Variants in EEF1G observed in about 807,000 individuals in gnomAD.
The protein encoded by EEF1G is eukaryotic translation elongation factor 1 gamma, also known as elongation factor 1-gamma.
In EEF1G, 14 loss-of-function variants were observed where a neutral mutation model predicts 58.3. The observed-to-expected ratio is 0.24, with a 90% CI of 0.16 to 0.38. The LOEUF (loss-of-function observed/expected upper bound fraction) is 0.38, where lower values mean the gene tolerates loss of function less well. Ranked by LOEUF, EEF1G falls within the 10% of genes least tolerant of loss-of-function variation. The probability of loss-of-function intolerance (pLI) is 1.00; values close to 1 mark genes in which losing one functional copy is unlikely to be tolerated. For missense variants in EEF1G, 322 were observed against 550.1 expected (o/e 0.59, Z 4.15); for synonymous variants, 180 against 206.8 (o/e 0.87, Z 1.11).
rs762508857 is a variant in EEF1G, at chr11:62,560,406, T to C, written c.906A>G (p.Thr302=). The C allele has an allele frequency of 6.2e-7, 1 of 1,609,194 alleles. No individual in the cohort carries two copies. The highest frequency in any genetic ancestry group is 1.1e-5 in the South Asian group (1 of 90,188). The change falls in exon 8 of 10, where the codon ACA becomes ACG. Residue 302 remains threonine (T), a synonymous_variant. Coordinates refer to ENST00000329251, the MANE Select transcript of EEF1G (RefSeq NM_001404.5). The stretch of plus-strand genomic sequence containing the variant: ...AGAAATATGGCAGTGCCACAGAGAG[T>C]GTGTCCTCATTGGAGTACTTGCGCT... ...EFKRKYSNED[T]LSVALPYFWE...
intron 6 of EEF1G, 160 bp from the exon 7 acceptor site, chr11:62,567,170 G>T: frequency 1.1e-6 from 1 of 920,008 alleles, no homozygotes; most frequent in Non-Finnish European, 1.6e-6. Flanking sequence ...GTGTCCTCCA[G>T]CAACAACACA....
intron 7 of EEF1G, among the ~76,000 whole-genome samples, chr11:62,561,395 A>G (rs1941492302): frequency 6.7e-6 from 1 of 149,032 alleles, no homozygotes; most frequent in Admixed American, 6.7e-5. Context: ...AAAAAAAAGG[A>G]CAGGCAGGGT....
intron 7 of EEF1G, among the ~76,000 whole-genome samples, chr11:62,565,227 A>G (rs1187086123): frequency 6.6e-6 from 1 of 152,144 alleles, no homozygotes; most frequent in Non-Finnish European, 1.5e-5. Context: ...GTCTCTACAA[A>G]TAATAAAAAA....
chr11:62,573,838 G>T lies in EEF1G; in HGVS notation c.5C>A (p.Ala2Glu). The change falls in exon 1 of 10, where the codon GCG becomes GAG. Residue 2 changes from alanine (A) to glutamate (E), a missense_variant. By Grantham distance (107) the Ala-to-Glu change is moderately radical. This residue lies in a region of EEF1G where 62 missense variants were observed against 87.0 expected (regional missense o/e 0.71). Coordinates refer to ENST00000329251, the MANE Select transcript of EEF1G (RefSeq NM_001404.5). Reference protein sequence around the residue: MAAGTLYTYPEN... With the variant: MEAGTLYTYPEN... ...CAGAGCCAGCAAACTTACCCCAGCCGCCATGGTGATTCCGCAAAGAAAGGG... is the reference window on the plus strand; with the variant it reads ...CAGAGCCAGCAAACTTACCCCAGCCTCCATGGTGATTCCGCAAAGAAAGGG... 6.2e-7 allele frequency: 1 copy of T among 1,613,726 alleles called. No homozygotes were observed. The highest frequency in any genetic ancestry group is 8.5e-7 in the Non-Finnish European group (1 of 1,179,840).
intron 5 of EEF1G, among the ~76,000 whole-genome samples, chr11:62,568,623 T>C (rs1224624467): frequency 6.6e-6 from 1 of 152,074 alleles, no homozygotes; most frequent in African/African-American, 2.4e-5. Flanking sequence ...GTAGGAGTAA[T>C]AATTGTCTTG....
intron 3 of EEF1G, 32 bp from the exon 4 acceptor site, chr11:62,571,714 TG>T (rs1418226264): frequency 5.7e-6 from 9 of 1,577,606 alleles, no homozygotes; most frequent in Non-Finnish European, 6.9e-6. Flanking sequence ...GTCAGAACTC[TG>T]GGGGAATGCC....
In EEF1G at chr11:62,563,272, G is replaced by A. The variant is rs181043668; in HGVS notation, c.858-2818C>T. ...CTCCTGAGTAGCTGGGACTACAGGC[G>A]CCTGCTACCGCCCCCGGCTAATTTT... On this transcript the variant is annotated intron_variant, in intron 7 of 9. Coordinates refer to ENST00000329251, the MANE Select transcript of EEF1G (RefSeq NM_001404.5). Among the ~76,000 whole-genome samples the A allele has an allele frequency of 2.2e-4, 33 of 151,958 alleles. No homozygotes were observed. The East Asian group carries it at 6.1e-3, about 28-fold the overall frequency.
intron 5 of EEF1G, among the ~76,000 whole-genome samples, chr11:62,568,453 C>T (rs1185202795): frequency 6.7e-6 from 1 of 149,926 alleles, no homozygotes; most frequent in East Asian, 2.0e-4. Flanking sequence ...CCAGGCTTAT[C>T]TTGAACTCGC....
At chr11:62,571,301 C>G (rs374787088) in intron 4 of EEF1G, among the ~76,000 whole-genome samples, 193 bp from the exon 5 acceptor site, 1 of 152,144 alleles carries the variant, frequency 6.6e-6, no homozygotes, top group Admixed American at 6.5e-5. Context: ...TCTGGTCCAG[C>G]CACCCCCTTA....
In EEF1G at chr11:62,566,899, G is replaced by C; in HGVS notation, c.764C>G (p.Ala255Gly). The change falls in exon 7 of 10, where the codon GCT becomes GGT. Residue 255 changes from alanine (A) to glycine (G), a missense_variant. This residue lies in a region of EEF1G where 208 missense variants were observed against 323.7 expected (regional missense o/e 0.64). Transcript: ENST00000329251. The stretch of plus-strand genomic sequence containing the variant: ...CATCTCCTCCTCAGGAGCAGGGGCA[G>C]CCGCCTTTTTCTCCTCCTTCCGCTC... Reference protein sequence around the residue: ...QAERKEEKKAAAPAPEEEMDE... With the variant: ...QAERKEEKKAGAPAPEEEMDE... The C allele has an allele frequency of 6.2e-7, 1 of 1,613,774 alleles. No homozygotes were observed. The highest frequency in any genetic ancestry group is 8.5e-7 in the Non-Finnish European group (1 of 1,179,854).
intron 7 of EEF1G, among the ~76,000 whole-genome samples, chr11:62,560,739 G>A (rs1941484347): frequency 6.6e-6 from 1 of 152,132 alleles, no homozygotes; most frequent in Non-Finnish European, 1.5e-5. Flanking sequence ...GGTGGAGACA[G>A]AGTGAGGACT....
chr11:62,561,688 A>C (rs9667789), intron 7 of EEF1G, among the ~76,000 whole-genome samples: 31,215 of 138,928 alleles, frequency 0.22, 4,427 homozygotes, highest in Non-Finnish European at 0.33. Context: ...AAAACAAAAA[A>C]AAAAAAAACA....
intron 5 of EEF1G, 131 bp from the exon 6 acceptor site, chr11:62,567,659 T>C: frequency 3.5e-6 from 3 of 850,442 alleles, no homozygotes; most frequent in Middle Eastern, 2.5e-4. Flanking sequence ...AATAGCTTCA[T>C]ACAACATCAT....
At position 62,566,865 on chromosome 11, in the gene EEF1G, A is replaced by C. The variant is rs1162284205; in HGVS notation, c.798T>G (p.Cys266Trp). ...TGGGCTCAGCAGCCAGCGCCTGCTC[A>C]CATTCATCCATCTCCTCCTCAGGAG... is the stretch of plus-strand genomic sequence containing the variant. ...APAPEEEMDE[C>W]EQALAAEPKA... is the part of the protein sequence containing the mutation. Residue 266 changes from cysteine to tryptophan, a missense_variant, in exon 7 of 10, where the codon TGT becomes TGG. Around this residue, in one of 3 missense-constraint regions of EEF1G, gnomAD observed 208 missense variants for 323.7 expected, o/e 0.64. Coordinates refer to ENST00000329251, the MANE Select transcript of EEF1G (RefSeq NM_001404.5). The C allele has an allele frequency of 1.9e-6, 3 of 1,613,458 alleles. No individual in the cohort carries two copies. Among genetic ancestry groups the C allele is most frequent in the Non-Finnish European group, 2.5e-6 (3 of 1,179,772 alleles).
chr11:62,560,463 A>C lies in EEF1G; in HGVS notation c.858-9T>G. The C allele has an allele frequency of 1.2e-6, 2 of 1,608,740 alleles. No individual in the cohort carries two copies. The highest frequency in any genetic ancestry group is 1.7e-6 in the Non-Finnish European group (2 of 1,177,338). ...CATCCAACACAAAGGTACTAAGAGGAAGAAAGCACAGGGGTCAATCAATAA... is the reference window on the plus strand; with the variant it reads ...CATCCAACACAAAGGTACTAAGAGGCAGAAAGCACAGGGGTCAATCAATAA... On this transcript the variant is annotated splice_polypyrimidine_tract_variant and intron_variant, in intron 7 of 9. Transcript: ENST00000329251.
At position 62,571,044 on chromosome 11, in the gene EEF1G, G is replaced by T; in HGVS notation, c.443C>A (p.Thr148Lys). ...TCGTTCGCCCACCAGAAAAGTCCTC[G>T]TCTTCAAGTAAGCATCCAGCAGCCC... ...ILGLLDAYLK[T>K]RTFLVGERVT... The change falls in exon 5 of 10, where the codon ACG becomes AAG. Residue 148 changes from threonine (T) to lysine (K), a missense_variant. By Grantham distance (78) the Thr-to-Lys change is moderately conservative (BLOSUM62 -1). Around this residue, in one of 3 missense-constraint regions of EEF1G, gnomAD observed 52 missense variants for 139.4 expected, o/e 0.37. Coordinates refer to ENST00000329251, the MANE Select transcript of EEF1G (RefSeq NM_001404.5). 1.2e-6 allele frequency: 2 copies of T among 1,613,900 alleles called. No individual in the cohort carries two copies. Among genetic ancestry groups the T allele is most frequent in the South Asian group, 2.2e-5 (2 of 91,070 alleles).
Position 62,573,817 on chromosome 11 carries a change from G to A in EEF1G, c.12+14C>T, listed in dbSNP as rs374485717. On this transcript the variant is annotated intron_variant, in intron 1 of 9. Coordinates refer to ENST00000329251, the MANE Select transcript of EEF1G (RefSeq NM_001404.5). ...GGATAGGATGACCCGAACCACCAGA[G>A]CCAGCAAACTTACCCCAGCCGCCAT... 5.0e-5 allele frequency: 81 copies of A among 1,613,562 alleles called. No homozygotes were observed. The highest frequency in any genetic ancestry group is 6.1e-5 in the Non-Finnish European group (72 of 1,179,810).
chr11:62,563,106 C>CTCCAAACAAACAAACCAA (rs1941517515), intron 7 of EEF1G, among the ~76,000 whole-genome samples: 1 of 150,174 alleles, frequency 6.7e-6, no homozygotes, highest in Admixed American at 6.6e-5. Flanking sequence ...AAGACCCTGT[C>CTCCAAACAAACAAACCAA]AAAAAAACAA....
rs772227024 is a variant in EEF1G at position 62,570,989 on chromosome 11, G to A, written c.498C>T (p.Cys166=). Residue 166 remains cysteine (C), a synonymous_variant, in exon 5 of 10, where the codon TGC becomes TGT. Coordinates refer to ENST00000329251, the MANE Select transcript of EEF1G (RefSeq NM_001404.5). ...CCTGCTTATAGAGCCACAACAGGGTGCAGACAACTGTGATGTCAGCCAATG... is the reference window on the plus strand; with the variant it reads ...CCTGCTTATAGAGCCACAACAGGGTACAGACAACTGTGATGTCAGCCAATG... ...RVTLADITVV[C]TLLWLYKQVL... 3.7e-6 allele frequency: 6 copies of A among 1,613,922 alleles called. No individual in the cohort carries two copies. Among genetic ancestry groups the A allele is most frequent in the South Asian group, 3.3e-5 (3 of 91,078 alleles).
Sources: gnomAD v4.1 joint callset for allele counts (sites outside exome capture counted in the v4.1 genomes callset) on GRCh38, gnomAD v4.1.1 for gene constraint, gnomAD v4.1.1 regional missense constraint, MANE v1.5 for transcripts, NCBI Gene and HGNC (gene_info 2026-07-23, HGNC 2026-07-21) for gene names.